The following RNF111 variants were observed in gnomAD, a reference collection of about 807,000 sequenced individuals.
RNF111 encodes E3 ubiquitin-protein ligase Arkadia.
Under a neutral mutation model 95.1 loss-of-function variants are expected in RNF111, and 17 were observed. The ratio of observed to expected loss-of-function variants is 0.18; its 90% CI spans 0.12 to 0.27. RNF111 has a LOEUF of 0.27. Among genes scored for constraint, RNF111 ranks in the 10% least tolerant of loss-of-function variants. The pLI is 1.00. For synonymous variants in RNF111, 440 were observed against 414.8 expected, an observed-to-expected ratio of 1.06 and a Z score of -0.74; for missense variants, 1,189 against 1,210.4, an observed-to-expected ratio of 0.98 and a Z score of 0.26.
intron 10 of RNF111, among the ~76,000 whole-genome samples, chr15:59,086,325 G>C (rs1329210737): frequency 2.0e-5 from 3 of 151,998 alleles, no homozygotes; most frequent in Admixed American, 2.0e-4. Context: ...TCACCATTTG[G>C]CCAGGCTGGT....
At chr15:58,992,287 C>T (rs1262581600) in intron 1 of RNF111, among the ~76,000 whole-genome samples, 6 of 152,098 alleles carry the variant, frequency 3.9e-5, no homozygotes, top group Admixed American at 2.6e-4. Context: ...TCAGGTGATT[C>T]GCCCGTCTCG....
intron 13 of RNF111, chr15:59,093,352 T>G (rs1198009892): frequency 2.5e-6 from 1 of 397,680 alleles, no homozygotes; most frequent in East Asian, 7.8e-5. Context: ...TTTTTTTTTT[T>G]TTTTTTTTTC....
chr15:59,003,696 G>T (rs1022865641), intron 1 of RNF111, among the ~76,000 whole-genome samples: 12 of 152,184 alleles, frequency 7.9e-5, no homozygotes, highest in African/African-American at 2.4e-5. Context: ...GCCACTGCAC[G>T]TGGCGTATTT....
intron 1 of RNF111, among the ~76,000 whole-genome samples, chr15:59,005,570 AC>A (rs2039505293): frequency 6.6e-6 from 1 of 151,968 alleles, no homozygotes; most frequent in Non-Finnish European, 1.5e-5. Context: ...TTGGCCTTTA[AC>A]AACTCAGTGT....
intron 10 of RNF111, among the ~76,000 whole-genome samples, chr15:59,088,673 C>G (rs1236149920): frequency 6.6e-6 from 1 of 152,166 alleles, no homozygotes; most frequent in Non-Finnish European, 1.5e-5. Context: ...TATACAGTTG[C>G]TGCAAACACT....
In RNF111 at chr15:59,091,117, C is replaced by A; in HGVS notation, c.2702C>A (p.Thr901Lys). 6.2e-7 allele frequency: 1 copy of A among 1,607,652 alleles called. No individual in the cohort carries two copies. ...GTCAATCGTGGAGCATCCCAGGGGA[C>A]AATTGAAAGATGTACATATCCACAT... ...GNVNRGASQGTIERCTYPHKY... is the reference protein window; with the variant it reads ...GNVNRGASQGKIERCTYPHKY... The change falls in exon 12 of 14, where the codon ACA (threonine) becomes AAA (lysine). Residue 901 changes from threonine to lysine, a missense_variant. Physicochemically the swap from Thr to Lys is moderately conservative, Grantham distance 78 (BLOSUM62 -1). Transcript: ENST00000348370.
intron 1 of RNF111, among the ~76,000 whole-genome samples, chr15:59,030,422 T>C (rs1321816401): frequency 1.3e-5 from 2 of 152,220 alleles, no homozygotes; most frequent in Admixed American, 1.3e-4. Context: ...GTTGACTAAT[T>C]AGTCTTTTGA....
At chr15:59,062,414 A>G (rs139165449) in intron 5 of RNF111, among the ~76,000 whole-genome samples, 250 of 152,214 alleles carry the variant, frequency 1.6e-3, no homozygotes, top group African/African-American at 5.3e-3. Context: ...TTCAAACTCA[A>G]TGTGCCACAA....
At chr15:59,010,064 A>T (rs1431070025) in intron 1 of RNF111, among the ~76,000 whole-genome samples, 3 of 152,150 alleles carry the variant, frequency 2.0e-5, no homozygotes, top group African/African-American at 4.8e-5. Flanking sequence ...GCTTTGTGTC[A>T]TTTGAGAATG....
intron 13 of RNF111, chr15:59,093,324 T>C: frequency 2.4e-6 from 1 of 417,736 alleles, no homozygotes; most frequent in Non-Finnish European, 4.7e-6. Context: ...CTATGCAGTC[T>C]GTTTTACAGC....
rs781512668 is a variant in RNF111 at position 59,031,120 on chromosome 15, GCTGGCCCTTCGT to G, written c.299_310del (p.Ala100_Tyr104delinsAsp). On this transcript the variant is annotated inframe_deletion, in exon 2 of 14. Coordinates refer to ENST00000348370, the MANE Select transcript of RNF111 (RefSeq NM_017610.8). ...GAGGAAAAAACGCAAAAGCCAGCAG[GCTGGCCCTTCGT>G]ATGTGCAGAATTGTGTTAAAGAAAA... 7 of 1,614,206 alleles carry G rather than the reference GCTGGCCCTTCGT, an allele frequency of 4.3e-6. No individual in the cohort carries two copies. The South Asian group carries it at 5.5e-5, about 13-fold the overall frequency.
intron 13 of RNF111, among the ~76,000 whole-genome samples, chr15:59,093,985 C>CT (rs1207994404): frequency 6.6e-6 from 1 of 152,136 alleles, no homozygotes; most frequent in Non-Finnish European, 1.5e-5. Flanking sequence ...TATAAAAACT[C>CT]TTAACAGTTG....
Position 59,039,654 on chromosome 15 carries a change from G to C in RNF111, c.880+7952G>C, listed in dbSNP as rs556971313. On this transcript the variant is annotated intron_variant, in intron 2 of 13. Coordinates refer to ENST00000348370, the MANE Select transcript of RNF111 (RefSeq NM_017610.8). ...ACTTCCTTCCTCTCTGGTATATCAA[G>C]TTGGTGCAGATTAATCTACAGTTCC... 5.4e-4 allele frequency among the ~76,000 whole-genome samples: 82 copies of C among 152,066 alleles called. 1 individual carries two copies. Among genetic ancestry groups the C allele is most frequent in the African/African-American group, 1.9e-3 (78 of 41,470 alleles).
At chr15:59,056,236 A>T (rs1461856045) in intron 4 of RNF111, among the ~76,000 whole-genome samples, 1 of 152,182 alleles carries the variant, frequency 6.6e-6, no homozygotes, top group Non-Finnish European at 1.5e-5. Context: ...GCTGTTTGAA[A>T]TGTCTAACTT....
intron 2 of RNF111, among the ~76,000 whole-genome samples, chr15:59,039,699 G>C (rs1208022214): frequency 1.3e-5 from 2 of 151,870 alleles, no homozygotes; most frequent in African/African-American, 4.8e-5. Context: ...CCTAGAAACA[G>C]CTATTCCTTT....
At chr15:59,026,504 C>G (rs2040618230) in intron 1 of RNF111, among the ~76,000 whole-genome samples, 1 of 152,112 alleles carries the variant, frequency 6.6e-6, no homozygotes, top group Non-Finnish European at 1.5e-5. Context: ...GGAGATATAT[C>G]TTGTACGCAT....
chr15:59,016,887 C>T (rs1335632930), intron 1 of RNF111, among the ~76,000 whole-genome samples: 1 of 151,992 alleles, frequency 6.6e-6, no homozygotes, highest in Non-Finnish European at 1.5e-5. Flanking sequence ...CAGCGGCATT[C>T]TTGTAGGAGC....
At position 59,081,104 on chromosome 15, in the gene RNF111, C is replaced by T. The variant is rs781191058; in HGVS notation, c.2117C>T (p.Ala706Val). Reference sequence around the variant, plus strand: ...TCTCATGCAACATCTCATCCTGTGGCACCCCCACCACCAACTCACTTAGCC... The same window carrying T: ...TCTCATGCAACATCTCATCCTGTGGTACCCCCACCACCAACTCACTTAGCC... ...ISSHATSHPV[A>V]PPPPTHLAST... The change falls in exon 8 of 14, where the codon GCA becomes GTA. Residue 706 changes from alanine (A) to valine (V), a missense_variant. By Grantham distance (64) the Ala-to-Val change is moderately conservative. Around this residue, in one of 2 missense-constraint regions of RNF111, gnomAD observed 1,024 missense variants for 925.9 expected, o/e 1.11. Coordinates refer to ENST00000348370, the MANE Select transcript of RNF111 (RefSeq NM_017610.8). The T allele has an allele frequency of 7.4e-6, 12 of 1,613,970 alleles. No individual in the cohort carries two copies. The highest frequency in any genetic ancestry group is 1.0e-5 in the Non-Finnish European group (12 of 1,180,030).
intron 1 of RNF111, among the ~76,000 whole-genome samples, chr15:59,010,997 T>A (rs2039775604): frequency 6.6e-6 from 1 of 152,180 alleles, no homozygotes; most frequent in African/African-American, 2.4e-5. Context: ...TCCCTAACGG[T>A]CATCGTTCTA....
Sources: allele counts gnomAD v4.1 joint callset (sites outside exome capture counted in the v4.1 genomes callset), GRCh38; gene constraint gnomAD v4.1.1; regional missense constraint gnomAD v4.1.1; transcripts MANE v1.5; gene names NCBI Gene and HGNC (gene_info 2026-07-23, HGNC 2026-07-21).